Variants in ZNF528 observed in about 807,000 individuals in gnomAD.
ZNF528 encodes the protein zinc finger protein 528.
A neutral mutation model predicts 13.3 loss-of-function variants in ZNF528; 9 were observed. The ratio of observed to expected loss-of-function variants is 0.67; its 90% confidence interval spans 0.41 to 1.18. ZNF528 has a LOEUF of 1.18. Among genes scored for constraint, ZNF528 ranks in the 50% most tolerant of loss-of-function variants. The pLI, the probability that ZNF528 is intolerant of heterozygous loss-of-function variation, is 0.01. For missense variants in ZNF528, 858 were observed against 745.4 expected (o/e 1.15, Z -1.76); for synonymous variants, 264 against 254.3 (o/e 1.04, Z -0.36).
chr19:52,403,339 C>T (rs1209006611), intron 4 of ZNF528, among the ~76,000 whole-genome samples: 2 of 151,994 alleles, frequency 1.3e-5, no homozygotes, highest in African/African-American at 2.4e-5. Context: ...CTAAAAATTG[C>T]GAACCAAACT....
At chr19:52,399,099 A>G (rs2058761801) in intron 2 of ZNF528, among the ~76,000 whole-genome samples, 1 of 151,926 alleles carries the variant, frequency 6.6e-6, no homozygotes, top group African/African-American at 2.4e-5. Context: ...GAAGAATGGG[A>G]CAAAGAGAAG....
chr19:52,416,515 G>C lies in ZNF528; in HGVS notation c.1663G>C (p.Gly555Arg). ...GAGGCCTTACAGATGTAGTAAATGT[G>C]GCAAAGCATTTCGAGGGTGTTCAGG... The part of the protein sequence containing the change: ...GERPYRCSKC[G>R]KAFRGCSGLT... The change falls in exon 7 of 7, where the codon GGC becomes CGC. Residue 555 changes from glycine to arginine, a missense_variant. Transcript: ENST00000360465. The C allele has an allele frequency of 6.2e-7, 1 of 1,614,116 alleles. No homozygotes were observed. The highest frequency in any genetic ancestry group is 8.5e-7 in the Non-Finnish European group (1 of 1,180,004).
At position 52,414,164 on chromosome 19, in the gene ZNF528, C is replaced by T. The variant is rs12461938; in HGVS notation, c.272-960C>T. On this transcript the variant is annotated intron_variant, in intron 6 of 6. Coordinates refer to ENST00000360465, the MANE Select transcript of ZNF528 (RefSeq NM_032423.3). ...CACTGACCTTATATCCGCTGCCAGC[C>T]GACTCATCCAGGTTTCCCCATTCAC... The T allele has an allele frequency of 0.01, 7,076 of 701,428 alleles. 471 individuals carry two copies. The Admixed American group carries it at 0.12, about 12-fold the overall frequency. The allele number at this position is 701,428 out of a possible 1,614,324, so 43.5% of individuals were successfully genotyped here.
intron 5 of ZNF528, 130 bp downstream of exon 5, chr19:52,406,163 CTG>C (rs1348913618): frequency 1.7e-6 from 2 of 1,189,734 alleles, no homozygotes; most frequent in Non-Finnish European, 1.2e-6. Context: ...AATTGAAAAA[CTG>C]TATTACACTT....
intron 6 of ZNF528, 50 bp downstream of exon 6, chr19:52,406,693 A>T (rs370133287): frequency 9.5e-6 from 15 of 1,577,984 alleles, no homozygotes. Context: ...TTGTTTTTTG[A>T]GACAGGGTCT....
chr19:52,409,964 C>T (rs1178527661), intron 6 of ZNF528, among the ~76,000 whole-genome samples: 1 of 152,182 alleles, frequency 6.6e-6, no homozygotes, highest in Non-Finnish European at 1.5e-5. Context: ...ATCCGCTCAC[C>T]TTGGCCTCCC....
chr19:52,403,535 C>T (rs1317770328), intron 4 of ZNF528, among the ~76,000 whole-genome samples: 2 of 151,876 alleles, frequency 1.3e-5, no homozygotes, highest in African/African-American at 2.4e-5. Flanking sequence ...TGGCGCACAT[C>T]TGTAGACCCA....
chr19:52,403,013 TTA>T (rs2058813209), intron 4 of ZNF528, among the ~76,000 whole-genome samples: 1 of 152,160 alleles, frequency 6.6e-6, no homozygotes, highest in Non-Finnish European at 1.5e-5. Context: ...TTTAAAAATA[TTA>T]TGTTTTTGAA....
chr19:52,405,804 T>G, intron 4 of ZNF528, 103 bp from the exon 5 acceptor site: 1 of 1,484,188 alleles, frequency 6.7e-7, no homozygotes. Context: ...TTTTTCACAG[T>G]GCTCACATAA....
chr19:52,403,609 A>G (rs972048189), intron 4 of ZNF528, among the ~76,000 whole-genome samples: 1 of 150,920 alleles, frequency 6.6e-6, no homozygotes, highest in African/African-American at 2.4e-5. Flanking sequence ...GTGGTGAGCC[A>G]AGATTGTGCT....
rs747344805 is a variant in ZNF528, at chr19:52,415,363, C to G, written c.511C>G (p.Pro171Ala). The change falls in exon 7 of 7, where the codon CCA becomes GCA. Residue 171 changes from proline to alanine, a missense_variant. Physicochemically the swap from Pro to Ala is conservative, Grantham distance 27. Coordinates refer to ENST00000360465, the MANE Select transcript of ZNF528 (RefSeq NM_032423.3). ...NKYRNNFDHA[P>A]LLPQEQKAHI... ...ATATAGAAATAATTTTGATCATGCT[C>G]CATTACTTCCACAAGAACAGAAAGC... is the stretch of plus-strand genomic sequence containing the variant. 4.3e-6 allele frequency: 7 copies of G among 1,613,410 alleles called. No individual in the cohort carries two copies. Among genetic ancestry groups the G allele is most frequent in the Non-Finnish European group, 5.9e-6 (7 of 1,179,876 alleles).
chr19:52,413,801 C>G (rs2058962913), intron 6 of ZNF528: 1 of 157,964 alleles, frequency 6.3e-6, no homozygotes, highest in African/African-American at 2.4e-5. Flanking sequence ...GAGATAATGG[C>G]AGAACAGTAC....
In ZNF528 at chr19:52,415,265, C is replaced by G. The variant is rs548387352; in HGVS notation, c.413C>G (p.Pro138Arg). 6 of 1,613,998 alleles carry G rather than the reference C, an allele frequency of 3.7e-6. No homozygotes were observed. The highest frequency in any genetic ancestry group is 3.3e-5 in the Admixed American group (2 of 60,002). Residue 138 changes from proline (P) to arginine (R), a missense_variant, in exon 7 of 7, where the codon CCC becomes CGC. Coordinates refer to ENST00000360465, the MANE Select transcript of ZNF528 (RefSeq NM_032423.3). ...KISGCKHFEKPVSDNSSVSPL... is the reference protein window; with the variant it reads ...KISGCKHFEKRVSDNSSVSPL... ...TCTGGGTGTAAGCATTTTGAAAAAC[C>G]CGTCAGTGACAATTCCTCAGTTTCA...
At chr19:52,409,198 T>C (rs987410703) in intron 6 of ZNF528, among the ~76,000 whole-genome samples, 2 of 152,210 alleles carry the variant, frequency 1.3e-5, no homozygotes, top group Admixed American at 6.5e-5. Context: ...TTGTTGCTGC[T>C]GTCAAGATTT....
In ZNF528 at chr19:52,406,654, G is replaced by A. The variant is rs373238371; in HGVS notation, c.271+11G>A. 18 of 1,603,872 alleles carry A rather than the reference G, an allele frequency of 1.1e-5. No homozygotes were observed. The highest frequency in any genetic ancestry group is 4.5e-5 in the South Asian group (4 of 88,818). On this transcript the variant is annotated intron_variant, in intron 6 of 6. Coordinates refer to ENST00000360465, the MANE Select transcript of ZNF528 (RefSeq NM_032423.3). ...AAGGTGTGAACACAGGTGAGAGCTC[G>A]GGTGGGCAGAGTGGAGGCCCCATAA...
At chr19:52,400,227 A>AACACACACACACACACACACACAC (rs56136198) in intron 2 of ZNF528, among the ~76,000 whole-genome samples, 7 of 144,612 alleles carry the variant, frequency 4.8e-5, no homozygotes, top group Non-Finnish European at 1.1e-4. Flanking sequence ...TGCCCATTAA[A>AACACACACACACACACACACACAC]ACACACACAC....
chr19:52,406,537 T>C lies in ZNF528; in HGVS notation c.165T>C (p.Ser55=), dbSNP rs776469385. The change falls in exon 6 of 7, where the codon AGT becomes AGC. Residue 55 remains serine (S), a synonymous_variant. Transcript: ENST00000360465. ...VSLGICLPDL[S]VTSMLEQKRD... ...TAGGAATCTGTCTTCCTGACCTGAG[T>C]GTTACCTCCATGTTAGAGCAAAAGA... The C allele has an allele frequency of 6.2e-7, 1 of 1,613,848 alleles. No individual in the cohort carries two copies. Among genetic ancestry groups the C allele is most frequent in the Non-Finnish European group, 8.5e-7 (1 of 1,179,928 alleles).
At chr19:52,414,643 A>C in intron 6 of ZNF528, 1 of 403,696 alleles carries the variant, frequency 2.5e-6, no homozygotes, top group Non-Finnish European at 4.6e-6. Flanking sequence ...GTTTGCCCAC[A>C]TCCTGCATTC....
chr19:52,402,058 G>A lies in ZNF528; in HGVS notation c.15+30G>A, dbSNP rs368117443. On this transcript the variant is annotated intron_variant, in intron 4 of 6. Coordinates refer to ENST00000360465, the MANE Select transcript of ZNF528 (RefSeq NM_032423.3). ...GGTAATGTTCTCAGTGGATTGTTCT[G>A]TCTCTGTTTCTTCCTGAAATGCCAG... 128 of 1,614,098 alleles carry A rather than the reference G, an allele frequency of 7.9e-5. No homozygotes were observed. In the East Asian group the frequency reaches 1.3e-3, roughly 17 times the overall value.
Sources: allele counts gnomAD v4.1 joint callset (sites outside exome capture counted in the v4.1 genomes callset), GRCh38; gene constraint gnomAD v4.1.1; transcripts MANE v1.5; gene names NCBI Gene and HGNC (gene_info 2026-07-23, HGNC 2026-07-21).